The following SLC9B1 variants were observed in gnomAD, a reference collection of about 807,000 sequenced individuals.
The protein encoded by SLC9B1 is solute carrier family 9 member B1.
SLC9B1 carries 32 observed loss-of-function variants against 51.7 expected under a neutral mutation model. The ratio of observed to expected loss-of-function variants is 0.62; its 90% CI spans 0.47 to 0.83. SLC9B1 has a LOEUF of 0.83. Ranked by LOEUF, SLC9B1 falls within the 40% of genes least tolerant of loss-of-function variation. SLC9B1 has a pLI of 0.00. For synonymous variants in SLC9B1, 145 were observed against 212.7 expected, an observed-to-expected ratio of 0.68 and a Z score of 2.77; for missense variants, 406 against 613.2, an observed-to-expected ratio of 0.66 and a Z score of 3.57.
At chr4:103,000,869 G>A (rs1740485930) in intron 1 of SLC9B1, among the ~76,000 whole-genome samples, 1 of 152,224 alleles carries the variant, frequency 6.6e-6, no homozygotes. Context: ...TCTTCTCACA[G>A]CTCCACTAGG....
At chr4:102,959,227 T>C (rs532514602) in intron 3 of SLC9B1, among the ~76,000 whole-genome samples, 1 of 104,578 alleles carries the variant, frequency 9.6e-6, no homozygotes, top group South Asian at 2.9e-4. Flanking sequence ...GAGACATACA[T>C]ATATATATAC....
chr4:102,991,911 G>A (rs1360877407), intron 1 of SLC9B1, among the ~76,000 whole-genome samples, 199 bp from the exon 2 acceptor site: 1 of 152,016 alleles, frequency 6.6e-6, no homozygotes, highest in East Asian at 1.9e-4. Context: ...ATATGCATAA[G>A]TTTTAAAAAC....
At chr4:102,912,087 C>A in intron 7 of SLC9B1, 2 of 194,506 alleles carry the variant, frequency 1.0e-5, no homozygotes, top group Non-Finnish European at 2.2e-5. Flanking sequence ...GAGCTGAGAT[C>A]GTGACACCAC....
chr4:102,909,551 C>T (rs1487235487), intron 9 of SLC9B1, among the ~76,000 whole-genome samples: 1 of 152,060 alleles, frequency 6.6e-6, no homozygotes, highest in African/African-American at 2.4e-5. Context: ...TGCAGTGAGC[C>T]AAGATTATGC....
intron 3 of SLC9B1, among the ~76,000 whole-genome samples, chr4:102,971,691 C>A (rs939147762): frequency 1.3e-4 from 19 of 152,000 alleles, no homozygotes; most frequent in African/African-American, 4.6e-4. Context: ...AAAATCAATG[C>A]ATCCAGGAGC....
intron 7 of SLC9B1, among the ~76,000 whole-genome samples, chr4:102,926,034 C>G (rs1177315988): frequency 6.6e-6 from 1 of 152,260 alleles, no homozygotes; most frequent in Non-Finnish European, 1.5e-5. Context: ...AGGCCTTTGA[C>G]AAAATTCAAC....
chr4:102,910,370 A>G (rs2110432137), intron 9 of SLC9B1, 69 bp downstream of exon 9: 3 of 1,372,718 alleles, frequency 2.2e-6, no homozygotes, highest in Non-Finnish European at 1.9e-6. Context: ...GAATGAGGGG[A>G]TTTCCTAAAT....
chr4:102,984,700 T>C lies in SLC9B1; in HGVS notation c.211+5100A>G, dbSNP rs190003574. ...TGAAGTAGTCTATAAATGTCAATTA[T>C]ATCCAGTTGACTGATGATACTGTTG... On this transcript the variant is annotated intron_variant, in intron 3 of 11. Transcript: ENST00000296422. Among the ~76,000 whole-genome samples, 726 of 152,344 alleles carry C rather than the reference T, an allele frequency of 4.8e-3. 7 individuals carry two copies. Among genetic ancestry groups the C allele is most frequent in the African/African-American group, 0.017 (707 of 41,570 alleles).
At chr4:102,955,938 A>G (rs1293720064) in intron 3 of SLC9B1, among the ~76,000 whole-genome samples, 1 of 152,210 alleles carries the variant, frequency 6.6e-6, no homozygotes, top group East Asian at 1.9e-4. Context: ...AGAGTTTTCC[A>G]GTTCCAAGTT....
At chr4:102,889,949 T>C (rs1734153747) in intron 11 of SLC9B1, 1 of 151,334 alleles carries the variant, frequency 6.6e-6, no homozygotes, top group Middle Eastern at 3.2e-3. Flanking sequence ...TGTCTTCGGT[T>C]TCTAGAGCCT....
At chr4:102,925,546 T>C (rs1457780749) in intron 7 of SLC9B1, among the ~76,000 whole-genome samples, 2 of 151,622 alleles carry the variant, frequency 1.3e-5, no homozygotes, top group Non-Finnish European at 2.9e-5. Context: ...GAACTTAAAG[T>C]ATAATAACAA....
chr4:102,997,021 T>C (rs1361879196), intron 1 of SLC9B1, among the ~76,000 whole-genome samples: 2 of 151,996 alleles, frequency 1.3e-5, no homozygotes, highest in African/African-American at 4.8e-5. Flanking sequence ...CTCAAACTCC[T>C]GAGCTCAAGC....
downstream of SLC9B1, among the ~76,000 whole-genome samples, chr4:102,900,326 T>G (rs1291325276): frequency 6.6e-6 from 1 of 152,236 alleles, no homozygotes; most frequent in Non-Finnish European, 1.5e-5. Flanking sequence ...CAGCCAGAAT[T>G]AAAAGGTAAT....
intron 9 of SLC9B1, among the ~76,000 whole-genome samples, chr4:102,907,152 A>G (rs575449777): frequency 8.6e-4 from 131 of 152,346 alleles, no homozygotes; most frequent in African/African-American, 3.0e-3. Flanking sequence ...TAAACTCACA[A>G]AGCAATAAAA....
chr4:102,885,133 A>G (rs993494308), exon 12 of SLC9B1: 66 of 1,099,348 alleles, frequency 6.0e-5, no homozygotes, highest in Non-Finnish European at 7.7e-5. Context: ...GTAACAAAGA[A>G]TAAGCTCAAG....
intron 3 of SLC9B1, among the ~76,000 whole-genome samples, chr4:102,954,474 A>T (rs1317704601): frequency 7.2e-6 from 1 of 139,688 alleles, no homozygotes. Context: ...ATCTTAAAGA[A>T]TCTAGACAGA....
At chr4:102,885,160 C>A in exon 12 of SLC9B1, 2 of 1,331,382 alleles carry the variant, frequency 1.5e-6, no homozygotes, top group Non-Finnish European at 2.2e-6. Flanking sequence ...ACTAGACATG[C>A]TATTTTGAAT....
Position 102,944,008 on chromosome 4 carries a change from A to G in SLC9B1, c.653+1185T>C, listed in dbSNP as rs541843116. On this transcript the variant is annotated intron_variant, in intron 6 of 11. Coordinates refer to ENST00000296422, the MANE Select transcript of SLC9B1 (RefSeq NM_139173.4). ...GGTTAGAGCATCAGACTGCGGACCA[A>G]GAAAATGTGGCACATATACACCATA... is the stretch of plus-strand genomic sequence containing the variant. Among the ~76,000 whole-genome samples, 3 of 152,328 alleles carry G rather than the reference A, an allele frequency of 2.0e-5. No individual in the cohort carries two copies. The East Asian group carries it at 5.8e-4, about 29-fold the overall frequency.
intron 11 of SLC9B1, chr4:102,888,686 T>C (rs995833017): frequency 6.6e-6 from 1 of 152,272 alleles, no homozygotes. Context: ...TAGTCCCAAC[T>C]GCTGGGAAGA....
Sources: gnomAD v4.1 joint callset for allele counts (sites outside exome capture counted in the v4.1 genomes callset) on GRCh38, gnomAD v4.1.1 for gene constraint, MANE v1.5 for transcripts, NCBI Gene and HGNC (gene_info 2026-07-23, HGNC 2026-07-21) for gene names.